LRPAP1: variants seen among roughly 807,000 people sequenced by gnomAD.
LRPAP1 encodes the protein alpha-2-macroglobulin receptor-associated protein.
LRPAP1 carries 41 observed loss-of-function variants against 39.9 expected under a neutral mutation model. That is an observed-to-expected ratio of 1.03 (90% CI 0.80 to 1.33). The LOEUF is 1.33. Ranked by LOEUF, LRPAP1 falls within the 40% of genes most tolerant of loss-of-function variation. LRPAP1 has a pLI of 0.00. For synonymous variants in LRPAP1, 263 were observed against 212.7 expected (o/e 1.24, Z -2.06); for missense variants, 565 against 482.3 (o/e 1.17, Z -1.61).
At position 3,514,634 on chromosome 4, in the gene LRPAP1, G is replaced by C. The variant is rs933159584; in HGVS notation, c.1011+118C>G. 61 of 1,320,152 alleles carry C rather than the reference G, an allele frequency of 4.6e-5. No individual in the cohort carries two copies. The Admixed American group carries it at 5.6e-4, about 12-fold the overall frequency. 81.8% of individuals were successfully genotyped at this position (1,320,152 alleles called of 1,614,324 possible). On this transcript the variant is annotated intron_variant, in intron 7 of 7. Coordinates refer to ENST00000650182, the MANE Select transcript of LRPAP1 (RefSeq NM_002337.4). The stretch of plus-strand genomic sequence containing the variant: ...TGGCCCTGGGGTTCAACTCGGACAG[G>C]GAAGACAGCAGCGTGGGGCCCACAC...
In LRPAP1 at chr4:3,510,313, C is replaced by T. The variant is rs1214124631; in HGVS notation, c.*2661G>A. 1 of 152,198 alleles carries T rather than the reference C, an allele frequency of 6.6e-6. No homozygotes were observed. Among genetic ancestry groups the T allele is most frequent in the East Asian group, 1.9e-4 (1 of 5,202 alleles). The allele number at this position is 152,198 out of a possible 1,614,324, so 9.4% of individuals were successfully genotyped here. A position where few individuals can be genotyped will look rare whatever the true frequency, so the allele number is the denominator to read the frequency against. Reference sequence around the variant, plus strand: ...ATAAAATCAGCCGGGTGTGGTGACACACGCCTGTGGTCGCAGCTACTACTC... The same window carrying T: ...ATAAAATCAGCCGGGTGTGGTGACATACGCCTGTGGTCGCAGCTACTACTC... On this transcript the variant is annotated 3_prime_UTR_variant, in exon 8 of 8. Transcript: ENST00000650182.
At chr4:3,521,160 G>A (rs1369777362) in intron 2 of LRPAP1, among the ~76,000 whole-genome samples, 6 of 152,190 alleles carry the variant, frequency 3.9e-5, no homozygotes, top group Non-Finnish European at 8.8e-5. Context: ...CTTAGCGGGC[G>A]GTGGGCTTGC....
chr4:3,512,366 AC>A lies in LRPAP1; in HGVS notation c.*607del, dbSNP rs1293440873. On this transcript the variant is annotated 3_prime_UTR_variant, in exon 8 of 8. Coordinates refer to ENST00000650182, the MANE Select transcript of LRPAP1 (RefSeq NM_002337.4). ...GCCACAGTCTCTGACTGTCCACAGAACCACACGCTCCACATCTTCCCCTCAA... is the reference window on the plus strand; with the variant it reads ...GCCACAGTCTCTGACTGTCCACAGAACACACGCTCCACATCTTCCCCTCAA... 2 of 153,462 alleles carry A rather than the reference AC, an allele frequency of 1.3e-5. No homozygotes were observed. Among genetic ancestry groups the A allele is most frequent in the Admixed American group, 6.5e-5 (1 of 15,498 alleles). 9.5% of individuals were successfully genotyped at this position (153,462 alleles called of 1,614,324 possible).
At chr4:3,528,658 G>A (rs1386136866) in intron 1 of LRPAP1, among the ~76,000 whole-genome samples, 4 of 152,236 alleles carry the variant, frequency 2.6e-5, no homozygotes, top group African/African-American at 9.6e-5. Context: ...CCACCATGAG[G>A]AGCAGGCTGT....
chr4:3,520,947 C>T (rs767015154), intron 2 of LRPAP1, among the ~76,000 whole-genome samples: 12 of 152,202 alleles, frequency 7.9e-5, no homozygotes, highest in East Asian at 1.9e-4. Context: ...TGAAAGCAGG[C>T]GCTCGACGCG....
chr4:3,526,222 G>T (rs1026646983), intron 1 of LRPAP1, among the ~76,000 whole-genome samples: 2 of 151,896 alleles, frequency 1.3e-5, no homozygotes, highest in African/African-American at 4.8e-5. Context: ...TCTCAGGAGG[G>T]TCCCCTTCCC....
intron 2 of LRPAP1, among the ~76,000 whole-genome samples, chr4:3,522,535 C>CA (rs1491402303): frequency 6.8e-6 from 1 of 147,662 alleles, no homozygotes; most frequent in African/African-American, 2.5e-5. Flanking sequence ...GACGTCATCC[C>CA]ACACGCCCTG....
chr4:3,522,301 C>A (rs1442193427), intron 2 of LRPAP1, among the ~76,000 whole-genome samples: 1 of 152,238 alleles, frequency 6.6e-6, no homozygotes, highest in Admixed American at 6.5e-5. Flanking sequence ...AAGCTCTGAG[C>A]CAGAGCCCAA....
chr4:3,530,917 C>A (rs1730231364), intron 1 of LRPAP1, among the ~76,000 whole-genome samples: 1 of 152,092 alleles, frequency 6.6e-6, no homozygotes, highest in Admixed American at 6.5e-5. Flanking sequence ...CTATTTCGGG[C>A]TCCCCATTCC....
chr4:3,526,895 A>G (rs1235017544), intron 1 of LRPAP1, among the ~76,000 whole-genome samples: 1 of 152,222 alleles, frequency 6.6e-6, no homozygotes, highest in African/African-American at 2.4e-5. Context: ...CCCTAGCCAC[A>G]CAGGCCCCAC....
rs1025944733 is a variant in LRPAP1, at chr4:3,509,831, T to C, written c.*3143A>G. 1.4e-5 allele frequency: 2 copies of C among 146,056 alleles called. No individual in the cohort carries two copies. The highest frequency in any genetic ancestry group is 5.1e-5 in the African/African-American group (2 of 39,078). The allele number at this position is 146,056 out of a possible 1,614,324, so 9.0% of individuals were successfully genotyped here. On this transcript the variant is annotated 3_prime_UTR_variant, in exon 8 of 8. Transcript: ENST00000650182. Reference sequence around the variant, plus strand: ...CAGTCAACGCGTGGACACTGGAGACTGTTGAGACGCCGACTGGAGTCACAC... The same window carrying C: ...CAGTCAACGCGTGGACACTGGAGACCGTTGAGACGCCGACTGGAGTCACAC...
chr4:3,521,633 G>A (rs577390649), intron 2 of LRPAP1, among the ~76,000 whole-genome samples: 1 of 152,306 alleles, frequency 6.6e-6, no homozygotes, highest in East Asian at 1.9e-4. Flanking sequence ...AAGGCCACAC[G>A]CAGCATGTGC....
rs1729687963 is a variant in LRPAP1, at chr4:3,516,098, A to G, written c.834+18T>C. 10 of 1,560,458 alleles carry G rather than the reference A, an allele frequency of 6.4e-6. No homozygotes were observed. Among genetic ancestry groups the G allele is most frequent in the East Asian group, 4.7e-5 (2 of 42,518 alleles). ...CACCACAGGAGAGAGCTAGAAGGAG[A>G]GGGCCGTGTTTCCTTACCCGGAACG... On this transcript the variant is annotated intron_variant, in intron 6 of 7. Transcript: ENST00000650182.
At chr4:3,529,463 G>A (rs1730181655) in intron 1 of LRPAP1, among the ~76,000 whole-genome samples, 1 of 152,246 alleles carries the variant, frequency 6.6e-6, no homozygotes, top group Admixed American at 6.5e-5. Context: ...AGACCCTGGA[G>A]CTTACTCCTC....
At position 3,527,022 on chromosome 4, in the gene LRPAP1, G is replaced by A. The variant is rs527874876; in HGVS notation, c.205-1971C>T. Among the ~76,000 whole-genome samples the A allele has an allele frequency of 1.8e-3, 276 of 152,332 alleles. 1 individual carries two copies. The highest frequency in any genetic ancestry group is 6.2e-3 in the African/African-American group (257 of 41,566). ...ATGAATGGCAGGGCCTAGGGCAGAG[G>A]AAAGCTTCTAATTCTCTAGAAGGTT... is the stretch of plus-strand genomic sequence containing the variant. On this transcript the variant is annotated intron_variant, in intron 1 of 7. Coordinates refer to ENST00000650182, the MANE Select transcript of LRPAP1 (RefSeq NM_002337.4).
At chr4:3,519,976 T>G in intron 3 of LRPAP1, 96 bp downstream of exon 3, 2 of 1,453,740 alleles carry the variant, frequency 1.4e-6, no homozygotes, top group Non-Finnish European at 1.9e-6. Context: ...AAACCCCGGC[T>G]CCCATGCAGA....
At chr4:3,522,690 G>GTGAAGT (rs1560258724) in intron 2 of LRPAP1, among the ~76,000 whole-genome samples, 2 of 102,954 alleles carry the variant, frequency 1.9e-5, no homozygotes, top group African/African-American at 3.4e-5. Context: ...TGCCTGGGGA[G>GTGAAGT]GACAGACGCC....
chr4:3,523,204 A>G (rs1794421), intron 2 of LRPAP1, among the ~76,000 whole-genome samples: 103,844 of 151,994 alleles, frequency 0.68, 36,192 homozygotes, highest in East Asian at 0.92. Context: ...CCTGCAAGCT[A>G]CTCTGTCTCC....
At position 3,532,311 on chromosome 4, in the gene LRPAP1, C is replaced by G; in HGVS notation, c.102G>C (p.Lys34Asn). The G allele has an allele frequency of 6.3e-7, 1 of 1,579,730 alleles. No homozygotes were observed. The highest frequency in any genetic ancestry group is 8.6e-7 in the Non-Finnish European group (1 of 1,162,466). Residue 34 changes from lysine (K) to asparagine (N), a missense_variant, in exon 1 of 8, where the codon AAG (lysine) becomes AAC (asparagine). Lys to Asn is a moderately conservative substitution (Grantham distance 94). Coordinates refer to ENST00000650182, the MANE Select transcript of LRPAP1 (RefSeq NM_002337.4). ...GPWPAASHGG[K>N]YSREKNQPKP... ...TGGGCTGGTTCTTCTCCCGCGAGTA[C>G]TTGCCGCCGTGGCTCGCAGCGGGCC... is the stretch of plus-strand genomic sequence containing the variant.
Sources: gnomAD v4.1 joint callset for allele counts (sites outside exome capture counted in the v4.1 genomes callset) on GRCh38, gnomAD v4.1.1 for gene constraint, MANE v1.5 for transcripts, NCBI Gene and HGNC (gene_info 2026-07-23, HGNC 2026-07-21) for gene names.